Variants in RUVBL1 observed in about 807,000 individuals in gnomAD.
The protein encoded by RUVBL1 is RuvB like AAA ATPase 1, also known as ruvB-like 1.
RUVBL1 carries 4 observed loss-of-function variants against 52.4 expected under a neutral mutation model. That is an observed-to-expected ratio of 0.08 (90% CI 0.04 to 0.17). RUVBL1 has a LOEUF of 0.17. RUVBL1 is among the 10% of genes least tolerant of loss of function. The pLI is 1.00. For missense variants in RUVBL1, 298 were observed against 572.8 expected (o/e 0.52, Z 4.90); for synonymous variants, 217 against 214.4 (o/e 1.01, Z -0.10).
intron 7 of RUVBL1, among the ~76,000 whole-genome samples, chr3:128,098,135 TG>T (rs1276011129): frequency 1.3e-5 from 2 of 152,202 alleles, no homozygotes; most frequent in East Asian, 3.9e-4. Context: ...AAGGTCTCAG[TG>T]CTCATTTTCC....
chr3:128,129,428 T>G (rs549023455), intron 1 of RUVBL1, among the ~76,000 whole-genome samples: 2 of 152,316 alleles, frequency 1.3e-5, no homozygotes, highest in Non-Finnish European at 2.9e-5. Flanking sequence ...GAGAGAAGTT[T>G]ATAGCTATGA....
downstream of RUVBL1, among the ~76,000 whole-genome samples, chr3:128,078,495 A>G (rs924633590): frequency 6.6e-6 from 1 of 152,168 alleles, no homozygotes; most frequent in South Asian, 2.1e-4. Flanking sequence ...GATTTATGTG[A>G]AAATTCCTCC....
chr3:128,123,970 C>T (rs912501048), upstream of RUVBL1: 2 of 1,201,988 alleles, frequency 1.7e-6, no homozygotes, highest in African/African-American at 1.6e-5. Context: ...CCCCCGTAGC[C>T]GGCGCTTCCT....
downstream of RUVBL1, among the ~76,000 whole-genome samples, chr3:128,077,294 C>T (rs1397565506): frequency 6.6e-6 from 1 of 152,114 alleles, no homozygotes; most frequent in Non-Finnish European, 1.5e-5. Flanking sequence ...GCGTGGCCCG[C>T]CCTGCACCCT....
At chr3:128,111,336 A>C (rs2107705100) in intron 3 of RUVBL1, among the ~76,000 whole-genome samples, 1 of 152,318 alleles carries the variant, frequency 6.6e-6, no homozygotes, top group African/African-American at 2.4e-5. Flanking sequence ...TGTGTCTACA[A>C]AGATAAGCAC....
At chr3:128,150,061 C>T (rs557591957) in intron 1 of RUVBL1, among the ~76,000 whole-genome samples, 19 of 152,274 alleles carry the variant, frequency 1.2e-4, no homozygotes, top group African/African-American at 2.4e-4. Flanking sequence ...CAATTTCCCT[C>T]GGTTCTGTGC....
chr3:128,105,081 T>A (rs1371730843), intron 3 of RUVBL1, among the ~76,000 whole-genome samples, 157 bp from the exon 4 acceptor site: 1 of 151,564 alleles, frequency 6.6e-6, no homozygotes, highest in African/African-American at 2.4e-5. Context: ...AACATATCAA[T>A]GTAAATTAGA....
Position 128,081,494 on chromosome 3 carries a change from C to T in RUVBL1, c.1212-85G>A, listed in dbSNP as rs1942474367. 1 of 1,402,604 alleles carries T rather than the reference C, an allele frequency of 7.1e-7. No homozygotes were observed. The highest frequency in any genetic ancestry group is 9.8e-7 in the Non-Finnish European group (1 of 1,025,572). The allele number at this position is 1,402,604 out of a possible 1,614,324, so 86.9% of individuals were successfully genotyped here. On this transcript the variant is annotated intron_variant, in intron 10 of 10. Transcript: ENST00000322623. The surrounding 1 kb of genome is among the most constrained non-coding windows in gnomAD (Gnocchi z 4.8). ...CCCCCACATCAGTAGGCAGCACTGG[C>T]ACCAGGAGCAGAGCCCAGTGCTGGG...
At chr3:128,076,243 T>A (rs989316003), downstream of RUVBL1, among the ~76,000 whole-genome samples, 2 of 152,198 alleles carry the variant, frequency 1.3e-5, no homozygotes, top group Non-Finnish European at 2.9e-5. The surrounding 1 kb of genome is among the most constrained non-coding windows in gnomAD (Gnocchi z 6.8). Context: ...AGCCGGCTCT[T>A]GCCCTCCTCA....
intron 8 of RUVBL1, among the ~76,000 whole-genome samples, chr3:128,093,616 C>G (rs1358813696): frequency 1.3e-5 from 2 of 152,062 alleles, no homozygotes; most frequent in Non-Finnish European, 2.9e-5. Flanking sequence ...CCTACAAGAA[C>G]TCCTAATCCC....
chr3:128,117,398 T>A (rs1576472872), intron 2 of RUVBL1, among the ~76,000 whole-genome samples: 1 of 152,154 alleles, frequency 6.6e-6, no homozygotes, highest in South Asian at 2.1e-4. Flanking sequence ...TTTAGTAGCA[T>A]CCCTGGCCTC....
chr3:128,113,105 T>G, intron 2 of RUVBL1, 85 bp from the exon 3 acceptor site: 1 of 1,481,536 alleles, frequency 6.7e-7, no homozygotes, highest in Non-Finnish European at 9.2e-7. Context: ...CACCAGGAAC[T>G]AGGAACAGCT....
chr3:128,068,365 G>A (rs999760019), intron 9 of RUVBL1, among the ~76,000 whole-genome samples: 5 of 152,200 alleles, frequency 3.3e-5, no homozygotes, highest in Admixed American at 6.5e-5. Context: ...GACTGGCAGC[G>A]GGACCCTCAC....
At chr3:128,132,457 G>A (rs747958512) in intron 1 of RUVBL1, among the ~76,000 whole-genome samples, 4 of 152,134 alleles carry the variant, frequency 2.6e-5, no homozygotes, top group Non-Finnish European at 5.9e-5. Flanking sequence ...GCCAGGCAGC[G>A]CAGCTTGCAG....
At chr3:128,065,301 A>T in intron 9 of RUVBL1, 1 of 597,256 alleles carries the variant, frequency 1.7e-6, no homozygotes, top group Non-Finnish European at 3.0e-6. Context: ...TCGACAGGTA[A>T]GATACATTTT....
chr3:128,131,046 G>A (rs1474469000), intron 1 of RUVBL1, among the ~76,000 whole-genome samples: 1 of 151,814 alleles, frequency 6.6e-6, no homozygotes, highest in Non-Finnish European at 1.5e-5. Flanking sequence ...TCAGGCCCAG[G>A]AGTTTGAGGC....
At chr3:128,072,715 T>C (rs1274632182) in intron 9 of RUVBL1, among the ~76,000 whole-genome samples, 1 of 152,156 alleles carries the variant, frequency 6.6e-6, no homozygotes, top group Non-Finnish European at 1.5e-5. Flanking sequence ...AGTATAAATA[T>C]GTTAGAAAAC....
chr3:128,143,584 TCTC>T (rs1944063121), intron 1 of RUVBL1, among the ~76,000 whole-genome samples: 1 of 152,174 alleles, frequency 6.6e-6, no homozygotes, highest in African/African-American at 2.4e-5. Context: ...CCATGGCTGG[TCTC>T]CTCTCCTGAG....
At chr3:128,066,855 C>A in intron 9 of RUVBL1, 1 of 1,150,532 alleles carries the variant, frequency 8.7e-7, no homozygotes, top group Non-Finnish European at 1.3e-6. Flanking sequence ...AGGATTTCCT[C>A]CCTTGTGGCC....
Sources: allele counts gnomAD v4.1 joint callset (sites outside exome capture counted in the v4.1 genomes callset), GRCh38; gene constraint gnomAD v4.1.1; non-coding constraint Gnocchi (gnomAD v3.1); transcripts MANE v1.5; gene names NCBI Gene and HGNC (gene_info 2026-07-23, HGNC 2026-07-21).